ANKRD36: variants seen among roughly 807,000 people sequenced by gnomAD.
ANKRD36 encodes ankyrin repeat domain-containing protein 36A.
Under a neutral mutation model 278.1 loss-of-function variants are expected in ANKRD36, and 179 were observed. The observed-to-expected ratio is 0.64, with a 90% confidence interval of 0.57 to 0.73. ANKRD36 has a LOEUF of 0.73. Ranked by LOEUF, ANKRD36 falls within the 30% of genes least tolerant of loss-of-function variation. The pLI, the probability that ANKRD36 is intolerant of heterozygous loss-of-function variation, is 0.00. For synonymous variants in ANKRD36, 320 were observed against 641.1 expected, an observed-to-expected ratio of 0.50 and a Z score of 7.57; for missense variants, 1,159 against 1,956.7, an observed-to-expected ratio of 0.59 and a Z score of 7.69.
rs1399023002 is a variant in ANKRD36 at position 97,179,864 on chromosome 2, A to G, written c.1666A>G (p.Thr556Ala). Residue 556 changes from threonine (T) to alanine (A), a missense_variant, in exon 24 of 76, where the codon ACA becomes GCA. Transcript: ENST00000420699. The part of the protein sequence containing the change: ...SSQKQPAEKA[T>A]SDDKDSVSNI... ...TTTTGCTTCAAATCCCATTCAGGCT[A>G]CAAGTGACGACAAAGATTCTGTTTC... 6.2e-7 allele frequency: 1 copy of G among 1,604,720 alleles called. No homozygotes were observed. The highest frequency in any genetic ancestry group is 8.5e-7 in the Non-Finnish European group (1 of 1,178,324).
chr2:97,129,540 C>T (rs995514775), intron 6 of ANKRD36, among the ~76,000 whole-genome samples: 1 of 152,014 alleles, frequency 6.6e-6, no homozygotes, highest in Non-Finnish European at 1.5e-5. Flanking sequence ...ACGTGAAGTC[C>T]TTGCCCATGC....
intron 75 of ANKRD36, among the ~76,000 whole-genome samples, chr2:97,260,379 T>TATATATATACAC (rs1315601255): frequency 1.8e-4 from 22 of 121,218 alleles, no homozygotes; most frequent in African/African-American, 5.8e-4. Context: ...TATATATATA[T>TATATATATACAC]ACACACATAT....
intron 36 of ANKRD36, among the ~76,000 whole-genome samples, chr2:97,191,436 G>A (rs941458108): frequency 6.6e-6 from 1 of 151,656 alleles, no homozygotes; most frequent in African/African-American, 2.4e-5. Context: ...GACATAAGGG[G>A]CTCTGGGGAA....
chr2:97,262,929 C>A (rs2076880366), intron 75 of ANKRD36, among the ~76,000 whole-genome samples: 1 of 145,012 alleles, frequency 6.9e-6, no homozygotes, highest in African/African-American at 2.4e-5. Flanking sequence ...GCCAAACAAA[C>A]CTCTGTTCCT....
At chr2:97,200,658 A>G (rs2061106717) in intron 46 of ANKRD36, 133 bp downstream of exon 46, 1 of 1,415,800 alleles carries the variant, frequency 7.1e-7, no homozygotes, top group African/African-American at 1.5e-5. Context: ...TTTTCTAACA[A>G]GTTCTTGGGT....
In ANKRD36 at chr2:97,209,003, A is replaced by C. The variant is rs1433556267; in HGVS notation, c.3266-678A>C. Among the ~76,000 whole-genome samples the C allele has an allele frequency of 1.4e-5, 2 of 146,732 alleles. 1 individual carries two copies. Among genetic ancestry groups the C allele is most frequent in the African/African-American group, 5.3e-5 (2 of 37,762 alleles). ...AATTGATGATATTTTTATTGAGGCT[A>C]ATATATTATCCTTTGGTGCCAAGAG... On this transcript the variant is annotated intron_variant, in intron 54 of 75. Coordinates refer to ENST00000420699, the MANE Select transcript of ANKRD36 (RefSeq NM_001354587.1).
intron 67 of ANKRD36, 130 bp downstream of exon 67, chr2:97,225,009 A>T: frequency 1.1e-6 from 1 of 894,394 alleles, no homozygotes; most frequent in Admixed American, 3.3e-5. Flanking sequence ...TTAATATTTC[A>T]TTTTAAAAAC....
At chr2:97,204,154 T>A (rs1261770933) in intron 49 of ANKRD36, 37 bp from the exon 50 acceptor site, 4 of 1,559,642 alleles carry the variant, frequency 2.6e-6, no homozygotes, top group South Asian at 1.2e-5. Context: ...CGAAACATAC[T>A]TTATTAATTT....
intron 62 of ANKRD36, 133 bp downstream of exon 62, chr2:97,215,630 T>G (rs1165378689): frequency 1.9e-6 from 3 of 1,550,982 alleles, no homozygotes; most frequent in Admixed American, 2.0e-5. Context: ...TCATTTGTAA[T>G]AAGTCCTCAG....
At chr2:97,185,974 G>T (rs1191349708) in intron 30 of ANKRD36, among the ~76,000 whole-genome samples, 1 of 151,826 alleles carries the variant, frequency 6.6e-6, no homozygotes, top group Non-Finnish European at 1.5e-5. Context: ...GAAGAGGGTT[G>T]TGAGGCAGGA....
intron 66 of ANKRD36, among the ~76,000 whole-genome samples, chr2:97,219,523 C>G (rs2066840684): frequency 6.7e-6 from 1 of 150,078 alleles, no homozygotes; most frequent in Admixed American, 6.7e-5. Flanking sequence ...CTCTTGTTGC[C>G]CAGGGTGGAG....
chr2:97,260,413 T>TAC (rs1161398661), intron 75 of ANKRD36, among the ~76,000 whole-genome samples: 4 of 130,694 alleles, frequency 3.1e-5, no homozygotes, highest in African/African-American at 9.0e-5. Context: ...CATACACATA[T>TAC]ACACACACAC....
At chr2:97,173,690 A>G (rs1250712839) in intron 22 of ANKRD36, among the ~76,000 whole-genome samples, 2 of 151,798 alleles carry the variant, frequency 1.3e-5, no homozygotes, top group African/African-American at 4.8e-5. Flanking sequence ...GCAGGTGTAA[A>G]CAAAGAAAGC....
chr2:97,207,022 A>T (rs1012912410), intron 52 of ANKRD36, among the ~76,000 whole-genome samples: 4 of 151,596 alleles, frequency 2.6e-5, no homozygotes, highest in Non-Finnish European at 5.9e-5. Context: ...ATTTTCAATG[A>T]ATATTGCAGT....
intron 6 of ANKRD36, among the ~76,000 whole-genome samples, chr2:97,140,581 G>A (rs1352316418): frequency 1.3e-5 from 2 of 152,042 alleles, no homozygotes; most frequent in Non-Finnish European, 2.9e-5. Context: ...ACCAATGTGA[G>A]TGAAGAACAG....
At chr2:97,147,312 ATTTCT>A in intron 11 of ANKRD36, among the ~76,000 whole-genome samples, 1 of 151,196 alleles carries the variant, frequency 6.6e-6, no homozygotes, top group Middle Eastern at 3.4e-3. Context: ...TATTTTCTTG[ATTTCT>A]TTTCACTTTC....
At chr2:97,188,037 T>C (rs1287202946) in intron 32 of ANKRD36, among the ~76,000 whole-genome samples, 4 of 151,792 alleles carry the variant, frequency 2.6e-5, no homozygotes, top group African/African-American at 7.2e-5. Flanking sequence ...AATGCTAGAA[T>C]TGGGATAAAG....
chr2:97,133,090 A>G (rs1011765904), intron 6 of ANKRD36, among the ~76,000 whole-genome samples: 3 of 152,076 alleles, frequency 2.0e-5, no homozygotes, highest in South Asian at 2.1e-4. Flanking sequence ...CCTTTAAAAT[A>G]CAAATTTCCA....
chr2:97,178,271 G>C (rs1053581606), intron 22 of ANKRD36, among the ~76,000 whole-genome samples: 1 of 151,970 alleles, frequency 6.6e-6, no homozygotes, highest in Non-Finnish European at 1.5e-5. Flanking sequence ...TCAGTGTGGA[G>C]ATTCCTCAGT....
Sources: allele counts gnomAD v4.1 joint callset (sites outside exome capture counted in the v4.1 genomes callset), GRCh38; gene constraint gnomAD v4.1.1; transcripts MANE v1.5; gene names NCBI Gene and HGNC (gene_info 2026-07-23, HGNC 2026-07-21).